The following KLF12 variants were observed in gnomAD, a reference collection of about 807,000 sequenced individuals.
The protein encoded by KLF12 is Krueppel-like factor 12.
KLF12 carries 9 observed loss-of-function variants against 37.8 expected under a neutral mutation model. The observed-to-expected ratio is 0.24, with a 90% CI of 0.14 to 0.42. The LOEUF (loss-of-function observed/expected upper bound fraction) is 0.42, where lower values mean the gene tolerates loss of function less well. KLF12 is among the 10% of genes least tolerant of loss of function. KLF12 has a pLI of 1.00. For missense variants in KLF12, 411 were observed against 516.0 expected (o/e 0.80, Z 1.97); for synonymous variants, 208 against 202.1 (o/e 1.03, Z -0.25).
chr13:74,096,405 G>C (rs979361231), intron 1 of KLF12, among the ~76,000 whole-genome samples: 2 of 152,072 alleles, frequency 1.3e-5, no homozygotes, highest in East Asian at 1.9e-4. Context: ...CTCCAGCACA[G>C]AAAACAAAGA....
the KLF12 span, among the ~76,000 whole-genome samples, chr13:74,177,228 T>C: frequency 2.6e-5 from 4 of 152,142 alleles, no homozygotes; most frequent in African/African-American, 4.8e-5. Flanking sequence ...GCCCAGAGCA[T>C]TGAAGCTGAG....
chr13:74,200,367 T>A, the KLF12 span, among the ~76,000 whole-genome samples: 6 of 152,230 alleles, frequency 3.9e-5, no homozygotes, highest in African/African-American at 1.4e-4. Flanking sequence ...AACTTGATGT[T>A]TCTGTGATTG....
intron 2 of KLF12, among the ~76,000 whole-genome samples, chr13:73,944,432 G>C (rs1466677415): frequency 1.3e-5 from 2 of 152,082 alleles, no homozygotes; most frequent in African/African-American, 4.8e-5. Context: ...CCTTAGTTCT[G>C]GAAATTGCAT....
chr13:74,204,567 A>G, the KLF12 span, among the ~76,000 whole-genome samples: 1 of 152,186 alleles, frequency 6.6e-6, no homozygotes, highest in Non-Finnish European at 1.5e-5. Flanking sequence ...TATGAAGATC[A>G]TTTAGGTTTT....
chr13:73,907,999 G>A (rs548274297), intron 3 of KLF12, among the ~76,000 whole-genome samples: 4 of 152,200 alleles, frequency 2.6e-5, no homozygotes, highest in Non-Finnish European at 4.4e-5. Flanking sequence ...CTGCCCACTT[G>A]CCTGGAATGA....
chr13:74,022,178 T>A (rs1275634061), intron 1 of KLF12, among the ~76,000 whole-genome samples: 1 of 151,766 alleles, frequency 6.6e-6, no homozygotes, highest in African/African-American at 2.4e-5. Flanking sequence ...TAACAACATA[T>A]CTCTTAGTCA....
At chr13:74,044,434 T>C (rs1235769447) in intron 1 of KLF12, among the ~76,000 whole-genome samples, 4 of 151,864 alleles carry the variant, frequency 2.6e-5, no homozygotes, top group African/African-American at 9.7e-5. Flanking sequence ...AGATGGTGTA[T>C]GGGTATGAGT....
At chr13:73,983,271 C>T (rs1419157565) in intron 2 of KLF12, among the ~76,000 whole-genome samples, 1 of 152,294 alleles carries the variant, frequency 6.6e-6, no homozygotes, top group East Asian at 1.9e-4. Context: ...GATTAAAAAG[C>T]CACTTGCTTT....
chr13:73,760,960 G>C (rs1435123025), intron 6 of KLF12, among the ~76,000 whole-genome samples: 1 of 152,148 alleles, frequency 6.6e-6, no homozygotes, highest in African/African-American at 2.4e-5. Flanking sequence ...TTGGTTCACA[G>C]ATATTTCCCA....
At chr13:73,900,015 C>G (rs1887968161) in intron 3 of KLF12, among the ~76,000 whole-genome samples, 1 of 152,056 alleles carries the variant, frequency 6.6e-6, no homozygotes, top group South Asian at 2.1e-4. Flanking sequence ...TGAAACTAAA[C>G]TGAAAGTTTT....
At chr13:73,957,942 T>C (rs1310945636) in intron 2 of KLF12, among the ~76,000 whole-genome samples, 1 of 152,168 alleles carries the variant, frequency 6.6e-6, no homozygotes, top group Admixed American at 6.5e-5. Flanking sequence ...GTACTGTTGA[T>C]TCACAGGAAT....
the KLF12 span, among the ~76,000 whole-genome samples, chr13:74,143,458 C>A: frequency 1.9e-4 from 29 of 149,386 alleles, 1 homozygote; most frequent in Non-Finnish European, 2.7e-4. Flanking sequence ...TTTTTTAAAC[C>A]AACAGCTATT....
the KLF12 span, among the ~76,000 whole-genome samples, chr13:74,154,653 GGACCCCAA>G: frequency 2.3e-5 from 1 of 42,628 alleles, no homozygotes; most frequent in African/African-American, 5.6e-5. Flanking sequence ...ATGATGTACA[GGACCCCAA>G]TCCAAATCCC....
chr13:73,844,048 A>G lies in KLF12; in HGVS notation c.670+1779T>C, dbSNP rs574048367. Reference sequence around the variant, plus strand: ...AAAAAAAATCACTTTTGTTTCTTTCATTAGTGAATCAAAATGGTATGAAAG... The same window carrying G: ...AAAAAAAATCACTTTTGTTTCTTTCGTTAGTGAATCAAAATGGTATGAAAG... On this transcript the variant is annotated intron_variant, in intron 4 of 7. Transcript: ENST00000377669. Among the ~76,000 whole-genome samples the G allele has an allele frequency of 1.0e-3, 158 of 152,234 alleles. 1 individual carries two copies. Among genetic ancestry groups the G allele is most frequent in the African/African-American group, 3.6e-3 (149 of 41,564 alleles).
At chr13:73,928,477 A>G (rs1331238029) in intron 3 of KLF12, among the ~76,000 whole-genome samples, 1 of 152,228 alleles carries the variant, frequency 6.6e-6, no homozygotes, top group African/African-American at 2.4e-5. Context: ...ATACAAATGG[A>G]AAGCAGTACT....
chr13:74,118,113 C>G (rs1357950328), intron 1 of KLF12, among the ~76,000 whole-genome samples: 1 of 152,124 alleles, frequency 6.6e-6, no homozygotes, highest in Non-Finnish European at 1.5e-5. Context: ...AAGTCCTTAT[C>G]TGCTAGACAA....
intron 6 of KLF12, among the ~76,000 whole-genome samples, chr13:73,717,672 T>C (rs1035759003): frequency 6.6e-6 from 1 of 152,252 alleles, no homozygotes; most frequent in Non-Finnish European, 1.5e-5. Flanking sequence ...ATGTTATGTA[T>C]GGCCAAGCCA....
intron 7 of KLF12, among the ~76,000 whole-genome samples, chr13:73,703,253 G>A (rs892670683): frequency 7.9e-5 from 12 of 152,064 alleles, no homozygotes; most frequent in Non-Finnish European, 1.8e-4. Flanking sequence ...AAAATTCAGG[G>A]TATTTCTGTT....
At chr13:73,970,119 G>A (rs17061813) in intron 2 of KLF12, among the ~76,000 whole-genome samples, 7,400 of 152,114 alleles carry the variant, frequency 0.049, 385 homozygotes, top group African/African-American at 0.13. Flanking sequence ...AATCCATCTT[G>A]CACAGTTCAT....
Sources: allele counts gnomAD v4.1 joint callset (sites outside exome capture counted in the v4.1 genomes callset), GRCh38; gene constraint gnomAD v4.1.1; transcripts MANE v1.5; gene names NCBI Gene and HGNC (gene_info 2026-07-23, HGNC 2026-07-21).